EXPH5: variants seen among roughly 807,000 people sequenced by gnomAD.
EXPH5 encodes the protein exophilin 5.
A neutral mutation model predicts 41.1 loss-of-function variants in EXPH5; 42 were observed. The ratio of observed to expected loss-of-function variants is 1.02; its 90% CI spans 0.80 to 1.32. The LOEUF (loss-of-function observed/expected upper bound fraction) is 1.32, where lower values mean the gene tolerates loss of function less well. Ranked by LOEUF, EXPH5 falls within the 40% of genes most tolerant of loss-of-function variation. The probability of loss-of-function intolerance (pLI) is 0.00; values close to 1 mark genes in which losing one functional copy is unlikely to be tolerated. For missense variants in EXPH5, 2,298 were observed against 2,314.5 expected, an observed-to-expected ratio of 0.99 and a Z score of 0.15; for synonymous variants, 798 against 833.5, an observed-to-expected ratio of 0.96 and a Z score of 0.73.
At chr11:108,546,192 C>G (rs1417521202) in intron 1 of EXPH5, among the ~76,000 whole-genome samples, 1 of 151,896 alleles carries the variant, frequency 6.6e-6, no homozygotes. Context: ...AGAGAGGCCA[C>G]TGTTAGATAA....
chr11:108,518,722 G>T (rs186908517), intron 4 of EXPH5, among the ~76,000 whole-genome samples: 68 of 152,324 alleles, frequency 4.5e-4, no homozygotes, highest in Non-Finnish European at 8.2e-4. Flanking sequence ...GACCTACTGG[G>T]CTGCATTCCC....
intron 4 of EXPH5, among the ~76,000 whole-genome samples, chr11:108,523,304 G>A (rs1449783100): frequency 3.3e-5 from 5 of 152,068 alleles, no homozygotes; most frequent in Non-Finnish European, 1.5e-5. Context: ...TTTTTCAGAT[G>A]AGGAAACTGT....
At chr11:108,525,895 T>C (rs1324863853) in intron 4 of EXPH5, among the ~76,000 whole-genome samples, 1 of 150,904 alleles carries the variant, frequency 6.6e-6, no homozygotes, top group Non-Finnish European at 1.5e-5. Flanking sequence ...CTCTCTCCTT[T>C]TTTAAATTTT....
At chr11:108,541,505 A>G (rs1345969201) in intron 2 of EXPH5, 147 bp downstream of exon 2, 1 of 523,100 alleles carries the variant, frequency 1.9e-6, no homozygotes, top group Non-Finnish European at 3.3e-6. Context: ...TTTTTAGTGT[A>G]TATTGTATTA....
intron 2 of EXPH5, 66 bp from the exon 3 acceptor site, chr11:108,539,252 A>C (rs2136025551): frequency 8.3e-7 from 1 of 1,206,224 alleles, no homozygotes; most frequent in South Asian, 1.5e-5. Flanking sequence ...GAAAGAATGA[A>C]GCCTTTGCTC....
At chr11:108,520,436 G>A (rs1591680897) in intron 4 of EXPH5, among the ~76,000 whole-genome samples, 1 of 151,888 alleles carries the variant, frequency 6.6e-6, no homozygotes, top group Admixed American at 6.6e-5. Context: ...TGCAACAAAG[G>A]CACTCAAAAG....
At chr11:108,562,384 G>T (rs990605541) in intron 1 of EXPH5, among the ~76,000 whole-genome samples, 38 of 151,008 alleles carry the variant, frequency 2.5e-4, no homozygotes, top group Admixed American at 1.4e-3. Flanking sequence ...TTGAGGTCAG[G>T]AGTTTGAGAC....
chr11:108,506,292 C>G lies in EXPH5; in HGVS notation c.*3245G>C, dbSNP rs1243150148. On this transcript the variant is annotated 3_prime_UTR_variant, in exon 6 of 6. Coordinates refer to ENST00000265843, the MANE Select transcript of EXPH5 (RefSeq NM_015065.3). ...ATTTGCTATACTTCTTTAACAAGTG[C>G]TTTATAAAAGTATAAAATTATAAAA... 1.3e-5 allele frequency: 2 copies of G among 152,124 alleles called. No individual in the cohort carries two copies. The highest frequency in any genetic ancestry group is 2.9e-5 in the Non-Finnish European group (2 of 68,028). 9.4% of individuals were successfully genotyped at this position (152,124 alleles called of 1,614,324 possible).
In EXPH5 at chr11:108,514,029, AAGTC is replaced by A; in HGVS notation, c.1474_1477del (p.Asp492PhefsTer17). 1 of 1,614,042 alleles carries A rather than the reference AAGTC, an allele frequency of 6.2e-7. No homozygotes were observed. Among genetic ancestry groups the A allele is most frequent in the Non-Finnish European group, 8.5e-7 (1 of 1,179,974 alleles). On this transcript the variant is annotated frameshift_variant, in exon 6 of 6. Transcript: ENST00000265843. LOFTEE classifies it low-confidence loss of function (END_TRUNC). The stretch of plus-strand genomic sequence containing the variant: ...ACTGAATGATTTCCTGCTTCGATGA[AAGTC>A]AGACCAGAAAGAATGTCCTTTCTCT...
rs74884947 is a variant in EXPH5 at position 108,582,983 on chromosome 11, T to C, written c.119+10435A>G. 2.8e-4 allele frequency among the ~76,000 whole-genome samples: 42 copies of C among 152,358 alleles called. No homozygotes were observed. The East Asian group carries it at 7.9e-3, about 29-fold the overall frequency. ...ACCCTATTTCTAAGTAAGGTCACAT[T>C]CTGAGGTATTGGCAATTAGGACTCT... On this transcript the variant is annotated intron_variant, in intron 1 of 5. Transcript: ENST00000265843.
intron 3 of EXPH5, among the ~76,000 whole-genome samples, chr11:108,532,366 A>ATATATATATATATATAT (rs1555192606): frequency 9.3e-5 from 3 of 32,140 alleles, no homozygotes; most frequent in Non-Finnish European, 1.4e-4. Context: ...ATATATATAT[A>ATATATATATATATATAT]TTTTTTTTTT....
chr11:108,602,990 C>T, the EXPH5 span, among the ~76,000 whole-genome samples: 2 of 152,108 alleles, frequency 1.3e-5, no homozygotes, highest in African/African-American at 2.4e-5. Flanking sequence ...ATTCTGTTCT[C>T]GTGATAGTGA....
At chr11:108,597,724 T>C (rs1173218221), upstream of EXPH5, among the ~76,000 whole-genome samples, 2 of 152,154 alleles carry the variant, frequency 1.3e-5, no homozygotes, top group African/African-American at 4.8e-5. Context: ...GTAGTTCTAG[T>C]TGATACAATA....
intron 1 of EXPH5, among the ~76,000 whole-genome samples, chr11:108,557,337 A>T (rs2093994422): frequency 6.6e-6 from 1 of 152,226 alleles, no homozygotes; most frequent in African/African-American, 2.4e-5. Flanking sequence ...GATATAATCA[A>T]TAAGAAAGTA....
chr11:108,527,198 C>T (rs7104328), intron 4 of EXPH5, among the ~76,000 whole-genome samples: 151,493 of 152,222 alleles, frequency 1, 75,390 homozygotes, highest in Middle Eastern at 1. Flanking sequence ...TGAGGGCCTG[C>T]AATCCCAGCT....
At chr11:108,520,959 C>T (rs925390955) in intron 4 of EXPH5, among the ~76,000 whole-genome samples, 1 of 152,162 alleles carries the variant, frequency 6.6e-6, no homozygotes, top group African/African-American at 2.4e-5. Context: ...TCTTCATAAC[C>T]TTGCAAACAT....
intron 1 of EXPH5, among the ~76,000 whole-genome samples, chr11:108,583,165 G>A (rs978133675): frequency 1.3e-5 from 2 of 151,816 alleles, no homozygotes; most frequent in African/African-American, 2.4e-5. Context: ...AGCAGATCAC[G>A]AGGTCAGGAG....
the EXPH5 span, among the ~76,000 whole-genome samples, chr11:108,603,206 T>G: frequency 6.6e-6 from 1 of 152,202 alleles, no homozygotes. Flanking sequence ...CTCAGGTAGT[T>G]CTTTATAGCA....
At chr11:108,543,860 G>T (rs543708600) in intron 1 of EXPH5, among the ~76,000 whole-genome samples, 5 of 152,274 alleles carry the variant, frequency 3.3e-5, no homozygotes, top group Admixed American at 6.5e-5. Flanking sequence ...CCTCCGATGC[G>T]TGGTACTCCT....
Sources: allele counts gnomAD v4.1 joint callset (sites outside exome capture counted in the v4.1 genomes callset), GRCh38; gene constraint gnomAD v4.1.1; transcripts MANE v1.5; gene names NCBI Gene and HGNC (gene_info 2026-07-23, HGNC 2026-07-21).